The following CNTLN variants were observed in gnomAD, a reference collection of about 807,000 sequenced individuals.
CNTLN encodes centlein, centrosomal protein.
CNTLN carries 212 observed loss-of-function variants against 180.0 expected under a neutral mutation model. The ratio of observed to expected loss-of-function variants is 1.18; its 90% confidence interval spans 1.05 to 1.32. The LOEUF is 1.32. Among genes scored for constraint, CNTLN ranks in the 40% most tolerant of loss-of-function variants. The pLI is 0.00. For synonymous variants in CNTLN, 722 were observed against 563.1 expected, an observed-to-expected ratio of 1.28 and a Z score of -3.99; for missense variants, 2,095 against 1,610.9, an observed-to-expected ratio of 1.30 and a Z score of -5.14.
chr9:17,424,765 G>A (rs1009670009), intron 18 of CNTLN, among the ~76,000 whole-genome samples: 3 of 152,090 alleles, frequency 2.0e-5, no homozygotes, highest in Admixed American at 2.0e-4. Context: ...TATAACAGGA[G>A]GAAGAGAAAC....
chr9:17,480,298 A>G (rs1008679082), intron 23 of CNTLN, among the ~76,000 whole-genome samples: 2 of 152,158 alleles, frequency 1.3e-5, no homozygotes, highest in African/African-American at 4.8e-5. Context: ...CTAAATATAC[A>G]TCAGATAAAT....
At chr9:17,165,217 A>C (rs1305393408) in intron 2 of CNTLN, among the ~76,000 whole-genome samples, 1 of 151,904 alleles carries the variant, frequency 6.6e-6, no homozygotes, top group East Asian at 1.9e-4. Context: ...AGAATACCAC[A>C]TTTTTTTTCA....
chr9:17,290,668 G>A (rs1489442936), intron 6 of CNTLN, among the ~76,000 whole-genome samples: 3 of 149,914 alleles, frequency 2.0e-5, no homozygotes, highest in Non-Finnish European at 3.0e-5. Context: ...GAGACTCCGT[G>A]GGCGTAGGAC....
intron 7 of CNTLN, among the ~76,000 whole-genome samples, chr9:17,306,055 C>T (rs1030824879): frequency 6.6e-6 from 1 of 151,904 alleles, no homozygotes; most frequent in African/African-American, 2.4e-5. Context: ...CACATCAAGT[C>T]AGGGCAACTT....
intron 5 of CNTLN, among the ~76,000 whole-genome samples, chr9:17,268,512 G>C (rs1263866777): frequency 3.3e-5 from 5 of 152,324 alleles, no homozygotes; most frequent in African/African-American, 9.6e-5. Context: ...GAGGCAGTCT[G>C]CCCGTTCTCA....
intron 23 of CNTLN, among the ~76,000 whole-genome samples, chr9:17,480,386 C>T (rs1343742127): frequency 2.7e-5 from 4 of 149,524 alleles, no homozygotes; most frequent in Non-Finnish European, 5.9e-5. Flanking sequence ...TTAGGAATGA[C>T]AAGAATGGAT....
chr9:17,482,221 G>C (rs1161727343), intron 23 of CNTLN, among the ~76,000 whole-genome samples: 1 of 152,104 alleles, frequency 6.6e-6, no homozygotes, highest in Non-Finnish European at 1.5e-5. Context: ...ATCAAACTGA[G>C]AGGTATTATA....
At chr9:17,276,726 A>T (rs1161375781) in intron 6 of CNTLN, among the ~76,000 whole-genome samples, 1 of 152,072 alleles carries the variant, frequency 6.6e-6, no homozygotes, top group Non-Finnish European at 1.5e-5. Context: ...AAATGGCAGT[A>T]TTTGCACATA....
At chr9:17,259,222 A>G (rs112931816) in intron 5 of CNTLN, among the ~76,000 whole-genome samples, 1 of 149,042 alleles carries the variant, frequency 6.7e-6, no homozygotes. Flanking sequence ...TTCTGCATCT[A>G]TTGAGATAAT....
At chr9:17,236,363 GT>G in intron 4 of CNTLN, 45 bp from the exon 5 acceptor site, 2 of 1,481,820 alleles carry the variant, frequency 1.3e-6, no homozygotes, top group South Asian at 2.9e-5. Context: ...TGGGTTTTTT[GT>G]TTCGTTTTGT....
chr9:17,235,759 G>C lies in CNTLN; in HGVS notation c.636G>C (p.Glu212Asp). Residue 212 changes from glutamate (E) to aspartate (D), a missense_variant, in exon 4 of 26, where the codon GAG becomes GAC. By Grantham distance (45) the Glu-to-Asp change is conservative. Coordinates refer to ENST00000380647, the MANE Select transcript of CNTLN (RefSeq NM_017738.4). ...TAAGGAAAGAATTCAGTGACTTGGA[G>C]AAGAAATTTAAAGATAAAAGTCAAG... ...AFLRKEFSDLEKKFKDKSQEI... is the reference protein window; with the variant it reads ...AFLRKEFSDLDKKFKDKSQEI... 1 of 1,603,294 alleles carries C rather than the reference G, an allele frequency of 6.2e-7. No homozygotes were observed. Among genetic ancestry groups the C allele is most frequent in the Non-Finnish European group, 8.5e-7 (1 of 1,176,476 alleles).
At chr9:17,477,411 A>T (rs114038260) in intron 23 of CNTLN, among the ~76,000 whole-genome samples, 1 of 152,306 alleles carries the variant, frequency 6.6e-6, no homozygotes, top group African/African-American at 2.4e-5. Flanking sequence ...TTCTGTAGAT[A>T]GTGATTCCTC....
chr9:17,363,293 G>A (rs939395398), intron 12 of CNTLN, among the ~76,000 whole-genome samples: 2 of 152,044 alleles, frequency 1.3e-5, no homozygotes, highest in African/African-American at 4.8e-5. Flanking sequence ...TTGAGAAATC[G>A]CCACACTGTC....
At chr9:17,142,739 A>T (rs1818191784) in intron 1 of CNTLN, among the ~76,000 whole-genome samples, 1 of 152,194 alleles carries the variant, frequency 6.6e-6, no homozygotes, top group African/African-American at 2.4e-5. Flanking sequence ...TCTCTAATTC[A>T]TCCCTATTTT....
intron 13 of CNTLN, among the ~76,000 whole-genome samples, chr9:17,367,851 G>C (rs1823960908): frequency 6.6e-6 from 1 of 151,910 alleles, no homozygotes; most frequent in Non-Finnish European, 1.5e-5. Flanking sequence ...GCAATACCCA[G>C]ATGGTACACT....
intron 23 of CNTLN, among the ~76,000 whole-genome samples, chr9:17,478,352 A>G (rs1020231229): frequency 1.3e-5 from 2 of 152,092 alleles, no homozygotes; most frequent in African/African-American, 2.4e-5. Flanking sequence ...TTTGTCTTCC[A>G]TTGTGTAGGT....
chr9:17,357,086 C>G (rs548561304), intron 12 of CNTLN, among the ~76,000 whole-genome samples: 91 of 152,060 alleles, frequency 6.0e-4, no homozygotes, highest in Middle Eastern at 3.2e-3. Context: ...CTAGGTGCTT[C>G]ATGTAAGTGG....
At chr9:17,305,899 T>A (rs748712260) in intron 7 of CNTLN, among the ~76,000 whole-genome samples, 5 of 152,138 alleles carry the variant, frequency 3.3e-5, no homozygotes, top group Admixed American at 6.5e-5. Context: ...AGGAATAAGA[T>A]AAGAATTTTT....
intron 2 of CNTLN, among the ~76,000 whole-genome samples, chr9:17,173,588 AT>A (rs1189706211): frequency 2.0e-5 from 3 of 151,414 alleles, no homozygotes; most frequent in Non-Finnish European, 4.4e-5. Context: ...CTTATTCCTG[AT>A]TTTTTTTTCT....
Sources: allele counts gnomAD v4.1 joint callset (sites outside exome capture counted in the v4.1 genomes callset), GRCh38; gene constraint gnomAD v4.1.1; transcripts MANE v1.5; gene names NCBI Gene and HGNC (gene_info 2026-07-23, HGNC 2026-07-21).